Variants in ADARB2 observed in about 807,000 individuals in gnomAD.
ADARB2 encodes the protein adenosine deaminase RNA specific B2 (inactive), also known as inactive double-stranded RNA-specific editase B2.
A neutral mutation model predicts 62.2 loss-of-function variants in ADARB2; 25 were observed. That is an observed-to-expected ratio of 0.40 (90% CI 0.29 to 0.56). The LOEUF is 0.56. Among genes scored for constraint, ADARB2 ranks in the 20% least tolerant of loss-of-function variants. The probability of loss-of-function intolerance (pLI) is 0.43; values close to 1 mark genes in which losing one functional copy is unlikely to be tolerated. For missense variants in ADARB2, 1,071 were observed against 1,077.4 expected (o/e 0.99, Z 0.08); for synonymous variants, 572 against 500.8 (o/e 1.14, Z -1.90).
chr10:1,284,274 G>C (rs1831393794), intron 3 of ADARB2, among the ~76,000 whole-genome samples: 1 of 152,162 alleles, frequency 6.6e-6, no homozygotes, highest in East Asian at 1.9e-4. Context: ...GTCTGCAGCT[G>C]TGTGAGGGGC....
intron 1 of ADARB2, among the ~76,000 whole-genome samples, chr10:1,563,629 T>A (rs1832817938): frequency 6.6e-6 from 1 of 151,786 alleles, no homozygotes; most frequent in Admixed American, 6.5e-5. Context: ...CATTTTACTT[T>A]TTTTTTTATT....
chr10:1,609,258 T>G (rs553548842), intron 1 of ADARB2, among the ~76,000 whole-genome samples: 9 of 152,324 alleles, frequency 5.9e-5, no homozygotes, highest in African/African-American at 2.2e-4. Context: ...AAAAGACCAC[T>G]AATGAGTTCA....
In ADARB2 at chr10:1,190,306, C is replaced by T. The variant is rs150346570; in HGVS notation, c.1865-5267G>A. 2.3e-3 allele frequency among the ~76,000 whole-genome samples: 353 copies of T among 150,990 alleles called. 7 individuals carry two copies. Among genetic ancestry groups the T allele is most frequent in the African/African-American group, 8.0e-3 (323 of 40,356 alleles). On this transcript the variant is annotated intron_variant, in intron 8 of 9. Transcript: ENST00000381312. ...AGGCCGCCCTGTGAGGCCAAAATTC[C>T]TGTGAACCTCTGGCATCCAGAAGCT...
intron 1 of ADARB2, among the ~76,000 whole-genome samples, chr10:1,706,895 G>A (rs1460466218): frequency 3.1e-4 from 8 of 25,980 alleles, no homozygotes; most frequent in Non-Finnish European, 1.1e-3. Context: ...GCAGGAAGTG[G>A]GGTTTTTGTT....
chr10:1,615,923 A>G (rs1370455637), intron 1 of ADARB2, among the ~76,000 whole-genome samples: 2 of 152,176 alleles, frequency 1.3e-5, no homozygotes, highest in Non-Finnish European at 2.9e-5. Context: ...GTCAATGGGA[A>G]ACTGTGACCC....
At chr10:1,591,232 G>A (rs955903381) in intron 1 of ADARB2, among the ~76,000 whole-genome samples, 4 of 152,306 alleles carry the variant, frequency 2.6e-5, no homozygotes, top group East Asian at 1.9e-4. Context: ...GAATCCAGAC[G>A]CAGCACCAGA....
At chr10:1,299,147 G>T (rs1297268185) in intron 3 of ADARB2, among the ~76,000 whole-genome samples, 1 of 152,006 alleles carries the variant, frequency 6.6e-6, no homozygotes, top group Non-Finnish European at 1.5e-5. Context: ...TGTTAAGAAG[G>T]AAAGCGTAAG....
At chr10:1,589,005 G>T (rs960119315) in intron 1 of ADARB2, among the ~76,000 whole-genome samples, 3 of 152,166 alleles carry the variant, frequency 2.0e-5, no homozygotes, top group African/African-American at 7.2e-5. Context: ...CCTGTGGCTG[G>T]GAGACGTAAC....
chr10:1,572,540 G>A (rs1363842971), intron 1 of ADARB2, among the ~76,000 whole-genome samples: 2 of 152,186 alleles, frequency 1.3e-5, no homozygotes, highest in Admixed American at 1.3e-4. Flanking sequence ...AGAGACAAGT[G>A]CCCAAGTCTT....
chr10:1,240,231 C>T (rs867169085), intron 5 of ADARB2, among the ~76,000 whole-genome samples: 24 of 92,294 alleles, frequency 2.6e-4, no homozygotes, highest in East Asian at 1.3e-3. Context: ...CTCCCCTCTG[C>T]CTCCCGGTGT....
chr10:1,543,619 C>T (rs75602080), intron 1 of ADARB2, among the ~76,000 whole-genome samples: 9 of 152,284 alleles, frequency 5.9e-5, no homozygotes, highest in East Asian at 5.8e-4. Context: ...GGAAAGGAAA[C>T]GCTACCATCA....
At chr10:1,372,322 G>A (rs1832379788) in intron 2 of ADARB2, among the ~76,000 whole-genome samples, 1 of 94,746 alleles carries the variant, frequency 1.1e-5, no homozygotes, top group Non-Finnish European at 3.0e-5. Flanking sequence ...GGGGGAGGGA[G>A]GAATGGGTAA....
chr10:1,328,800 T>G (rs1040602449), intron 3 of ADARB2, among the ~76,000 whole-genome samples: 4 of 151,950 alleles, frequency 2.6e-5, no homozygotes, highest in African/African-American at 7.3e-5. Flanking sequence ...GAGACCAGGC[T>G]GGGCAACATA....
rs1002125955 is a variant in ADARB2, at chr10:1,631,133, C to T, written c.100+105918G>A. On this transcript the variant is annotated intron_variant, in intron 1 of 9. Coordinates refer to ENST00000381312, the MANE Select transcript of ADARB2 (RefSeq NM_018702.4). Reference sequence around the variant, plus strand: ...CAGTGAGTTCCTAGCTTCCCTGGAACAAGAAAAAAGGGTGTGCAACACGTT... The same window carrying T: ...CAGTGAGTTCCTAGCTTCCCTGGAATAAGAAAAAAGGGTGTGCAACACGTT... Among the ~76,000 whole-genome samples, 10 of 152,136 alleles carry T rather than the reference C, an allele frequency of 6.6e-5. 1 individual carries two copies. Among genetic ancestry groups the T allele is most frequent in the African/African-American group, 2.4e-4 (10 of 41,426 alleles).
intron 1 of ADARB2, among the ~76,000 whole-genome samples, chr10:1,547,420 G>C (rs1389101102): frequency 9.5e-6 from 1 of 105,744 alleles, no homozygotes; most frequent in Non-Finnish European, 2.1e-5. Context: ...TATGCACTAT[G>C]GGGAGGGGGA....
At chr10:1,674,772 T>TA (rs1196230997) in intron 1 of ADARB2, among the ~76,000 whole-genome samples, 1 of 152,100 alleles carries the variant, frequency 6.6e-6, no homozygotes, top group African/African-American at 2.4e-5. Flanking sequence ...AAACCTAAAA[T>TA]AAAAAAACTG....
chr10:1,524,059 AAGATAGAT>A (rs34113585), intron 1 of ADARB2, among the ~76,000 whole-genome samples: 2,857 of 134,822 alleles, frequency 0.021, 28 homozygotes, highest in Non-Finnish European at 0.028. Context: ...TGGGGATATG[AAGATAGAT>A]AGATAGATAG....
chr10:1,304,307 T>C (rs1328639245), intron 3 of ADARB2, among the ~76,000 whole-genome samples: 1 of 151,178 alleles, frequency 6.6e-6, no homozygotes, highest in Non-Finnish European at 1.5e-5. Flanking sequence ...AAGGGATCAA[T>C]TCAACAAGAA....
At chr10:1,271,134 C>T (rs1050503674) in intron 3 of ADARB2, 65 bp from the exon 4 acceptor site, 134 of 1,317,398 alleles carry the variant, frequency 1.0e-4, no homozygotes, top group Non-Finnish European at 1.3e-4. Flanking sequence ...TGATGGGGCA[C>T]TGTCCTCCCC....
Sources: gnomAD v4.1 joint callset for allele counts (sites outside exome capture counted in the v4.1 genomes callset) on GRCh38, gnomAD v4.1.1 for gene constraint, MANE v1.5 for transcripts, NCBI Gene and HGNC (gene_info 2026-07-23, HGNC 2026-07-21) for gene names.